The following DOK2 variants were observed in gnomAD, a reference collection of about 807,000 sequenced individuals.
DOK2 encodes docking protein 2, 56kD.
Under a neutral mutation model 26.0 loss-of-function variants are expected in DOK2, and 28 were observed. The ratio of observed to expected loss-of-function variants is 1.08; its 90% confidence interval spans 0.80 to 1.48. The LOEUF (loss-of-function observed/expected upper bound fraction) is 1.48, where lower values mean the gene tolerates loss of function less well. Ranked by LOEUF, DOK2 falls within the 40% of genes most tolerant of loss-of-function variation. DOK2 has a pLI of 0.00. For synonymous variants in DOK2, 282 were observed against 236.9 expected, an observed-to-expected ratio of 1.19 and a Z score of -1.75; for missense variants, 682 against 558.2, an observed-to-expected ratio of 1.22 and a Z score of -2.23.
chr8:21,909,963 G>A (rs1375737931), intron 4 of DOK2, 32 bp from the exon 5 acceptor site: 19 of 1,581,138 alleles, frequency 1.2e-5, no homozygotes, highest in Non-Finnish European at 1.5e-5. Flanking sequence ...TTATTGGCCA[G>A]GCCACAGGGC....
chr8:21,909,660 C>G lies in DOK2; in HGVS notation c.890G>C (p.Gly297Ala). Residue 297 changes from glycine to alanine, a missense_variant, in exon 5 of 5, where the codon GGG (glycine) becomes GCG (alanine). Transcript: ENST00000276420. ...CGCATCGAAGGGCACGGCATACTCC[C>G]CCTCCTGGCCCCGAGGCCGTGGAGC... ...VPAPRPRGQE[G>A]EYAVPFDAVA... is the part of the protein sequence containing the mutation. 6.2e-7 allele frequency: 1 copy of G among 1,613,026 alleles called. No homozygotes were observed.
intron 2 of DOK2, 117 bp from the exon 3 acceptor site, chr8:21,912,105 C>T: frequency 6.1e-6 from 9 of 1,464,648 alleles, no homozygotes; most frequent in South Asian, 2.7e-5. Context: ...GGGTTCGGGT[C>T]CCCCCACATG....
At position 21,912,273 on chromosome 8, in the gene DOK2, C is replaced by T. The variant is rs751346454; in HGVS notation, c.301G>A (p.Glu101Lys). ...RLYLLAAPAA[E>K]RGDWVQAICL... ...ATGGCCTGCACCCAGTCGCCGCGCT[C>T]CGCTGCAGGGGCCGCCAGGAGGTAC... Residue 101 changes from glutamate (E) to lysine (K), a missense_variant, in exon 2 of 5, where the codon GAG becomes AAG. Physicochemically the swap from Glu to Lys is moderately conservative, Grantham distance 56. Transcript: ENST00000276420. 1 of 1,584,070 alleles carries T rather than the reference C, an allele frequency of 6.3e-7. No individual in the cohort carries two copies. The highest frequency in any genetic ancestry group is 2.3e-5 in the East Asian group (1 of 42,740).
At position 21,912,530 on chromosome 8, in the gene DOK2, G is replaced by A; in HGVS notation, c.64-20C>T. 6.8e-7 allele frequency: 1 copy of A among 1,480,620 alleles called. No individual in the cohort carries two copies. The allele number at this position is 1,480,620 out of a possible 1,614,324, so 91.7% of individuals were successfully genotyped here. On this transcript the variant is annotated intron_variant, in intron 1 of 4. Coordinates refer to ENST00000276420, the MANE Select transcript of DOK2 (RefSeq NM_003974.4). ...CCATTTCTGTGCCAGAGGCGTGGGA[G>A]GCGGGGGCGGGAGGGAGCCACCCAG...
Position 21,910,713 on chromosome 8 carries a change from T to C in DOK2, c.578A>G (p.Asp193Gly). 1 of 1,614,080 alleles carries C rather than the reference T, an allele frequency of 6.2e-7. No homozygotes were observed. Among genetic ancestry groups the C allele is most frequent in the Non-Finnish European group, 8.5e-7 (1 of 1,180,030 alleles). The change falls in exon 4 of 5, where the codon GAC (aspartate) becomes GGC (glycine). Residue 193 changes from aspartate (D) to glycine (G), a missense_variant. Physicochemically the swap from Asp to Gly is moderately conservative, Grantham distance 94. Transcript: ENST00000276420. Reference protein sequence around the residue: ...GGPEPGTQLYDWPYRFLRRFG... With the variant: ...GGPEPGTQLYGWPYRFLRRFG... ...GCGCCGCAGAAACCTGTAGGGCCAG[T>C]CGTACAGCTGGGTCCCTGGCTCGGG...
chr8:21,910,895 T>C, intron 3 of DOK2, 38 bp from the exon 4 acceptor site: 1 of 1,561,594 alleles, frequency 6.4e-7, no homozygotes, highest in Non-Finnish European at 8.7e-7. Context: ...AGGCAGTTAA[T>C]GGGAAACAGC....
rs753987268 is a variant in DOK2, at chr8:21,912,433, C to T, written c.141G>A (p.Pro47=). Residue 47 remains proline, a synonymous_variant, in exon 2 of 5, where the codon CCG becomes CCA. Transcript: ENST00000276420. ...CAGCCTCACACCGACGAGGCTTCTC[C>T]GGGCCCTCCTGCAGCTCCAGCCGGG... ...ALARLELQEG[P]EKPRRCEAAR... The T allele has an allele frequency of 5.1e-6, 8 of 1,575,036 alleles. No individual in the cohort carries two copies. The South Asian group carries it at 6.9e-5, about 14-fold the overall frequency.
chr8:21,908,968 T>A lies in DOK2; in HGVS notation c.*343A>T, dbSNP rs1809703337. The A allele has an allele frequency of 4.9e-6, 1 of 202,672 alleles. No homozygotes were observed. Among genetic ancestry groups the A allele is most frequent in the Non-Finnish European group, 9.9e-6 (1 of 100,844 alleles). The allele number at this position is 202,672 out of a possible 1,614,324, so 12.6% of individuals were successfully genotyped here. A position where few individuals can be genotyped will look rare whatever the true frequency, so the allele number is the denominator to read the frequency against. Reference sequence around the variant, plus strand: ...GCCTGGGCCCAGGCTGTCCCTGAAGTGGCCATCAGCAGGCAGGAGGCTTGC... The same window carrying A: ...GCCTGGGCCCAGGCTGTCCCTGAAGAGGCCATCAGCAGGCAGGAGGCTTGC... On this transcript the variant is annotated 3_prime_UTR_variant, in exon 5 of 5. Coordinates refer to ENST00000276420, the MANE Select transcript of DOK2 (RefSeq NM_003974.4).
At position 21,909,938 on chromosome 8, in the gene DOK2, C is replaced by A; in HGVS notation, c.619-7G>T. 1.2e-6 allele frequency: 2 copies of A among 1,603,040 alleles called. No homozygotes were observed. The highest frequency in any genetic ancestry group is 1.7e-6 in the Non-Finnish European group (2 of 1,176,624). On this transcript the variant is annotated splice_polypyrimidine_tract_variant and splice_region_variant and intron_variant, in intron 4 of 4. Coordinates refer to ENST00000276420, the MANE Select transcript of DOK2 (RefSeq NM_003974.4). ...CCTCAAAGGAAAAGGTTACCTGGAC[C>A]AGGGAGAAAGCAGGTTATTGGCCAG...
rs1809715663 is a variant in DOK2 at position 21,909,257 on chromosome 8, G to A, written c.*54C>T. 23 of 1,511,508 alleles carry A rather than the reference G, an allele frequency of 1.5e-5. No individual in the cohort carries two copies. In the South Asian group the frequency reaches 2.8e-4, roughly 19 times the overall value. 93.6% of individuals were successfully genotyped at this position (1,511,508 alleles called of 1,614,324 possible). On this transcript the variant is annotated 3_prime_UTR_variant, in exon 5 of 5. Coordinates refer to ENST00000276420, the MANE Select transcript of DOK2 (RefSeq NM_003974.4). The stretch of plus-strand genomic sequence containing the variant: ...GAGGTTCTTCTGATGCAGTGGCCAG[G>A]AGGAGTCACCAGCAGAAGCCAAGGG...
Position 21,912,524 on chromosome 8 carries a change from G to T in DOK2, c.64-14C>A. ...GCGGCGCCATTTCTGTGCCAGAGGCGTGGGAGGCGGGGGCGGGAGGGAGCC... is the reference window on the plus strand; with the variant it reads ...GCGGCGCCATTTCTGTGCCAGAGGCTTGGGAGGCGGGGGCGGGAGGGAGCC... On this transcript the variant is annotated splice_polypyrimidine_tract_variant and intron_variant, in intron 1 of 4. Coordinates refer to ENST00000276420, the MANE Select transcript of DOK2 (RefSeq NM_003974.4). 1 of 1,491,516 alleles carries T rather than the reference G, an allele frequency of 6.7e-7. No individual in the cohort carries two copies. Among genetic ancestry groups the T allele is most frequent in the Non-Finnish European group, 8.9e-7 (1 of 1,123,532 alleles). 92.4% of individuals were successfully genotyped at this position (1,491,516 alleles called of 1,614,324 possible). A position where few individuals can be genotyped will look rare whatever the true frequency, so the allele number is the denominator to read the frequency against.
At chr8:21,912,084 G>A (rs1430322940) in intron 2 of DOK2, 96 bp from the exon 3 acceptor site, 1 of 1,482,764 alleles carries the variant, frequency 6.7e-7, no homozygotes, top group Non-Finnish European at 9.0e-7. Flanking sequence ...TGCTGGCTCT[G>A]TCTGCACACT....
chr8:21,913,674 G>C lies in DOK2; in HGVS notation c.-73C>G. 6.4e-7 allele frequency: 1 copy of C among 1,555,404 alleles called. No homozygotes were observed. Among genetic ancestry groups the C allele is most frequent in the African/African-American group, 1.4e-5 (1 of 73,706 alleles). On this transcript the variant is annotated 5_prime_UTR_variant, in exon 1 of 5. Transcript: ENST00000276420. ...TGCCCTTGCCTCTCTCTTCTTAGCC[G>C]TGTGTTTCCCTTCTCTGAAGTTCAT...
Position 21,913,575 on chromosome 8 carries a change from G to C in DOK2, c.27C>G (p.Gly9=). The C allele has an allele frequency of 1.9e-6, 3 of 1,613,872 alleles. No homozygotes were observed. The highest frequency in any genetic ancestry group is 2.5e-6 in the Non-Finnish European group (3 of 1,179,984). The change falls in exon 1 of 5, where the codon GGC becomes GGG. Residue 9 remains glycine (G), a synonymous_variant. Transcript: ENST00000276420. MGDGAVKQ[G]FLYLQQQQTF... ...TCTGCTGCTGCTGAAGATACAAGAA[G>C]CCTTGTTTCACTGCCCCGTCTCCCA... is the stretch of plus-strand genomic sequence containing the variant.
rs1585397993 is a variant in DOK2, at chr8:21,910,870, AG to A, written c.434-14del. On this transcript the variant is annotated splice_polypyrimidine_tract_variant and intron_variant, in intron 3 of 4. Coordinates refer to ENST00000276420, the MANE Select transcript of DOK2 (RefSeq NM_003974.4). ...TTGTGGGGGCCGACTGGGGAGAAGA[AG>A]AGAGAGAAGGCGAAGGCAGTTAATG... The A allele has an allele frequency of 8.0e-7, 1 of 1,257,678 alleles. No homozygotes were observed. Among genetic ancestry groups the A allele is most frequent in the Non-Finnish European group, 1.1e-6 (1 of 909,014 alleles). 77.9% of individuals were successfully genotyped at this position (1,257,678 alleles called of 1,614,324 possible).
At chr8:21,910,535 C>T in intron 4 of DOK2, 138 bp downstream of exon 4, 2 of 1,131,948 alleles carry the variant, frequency 1.8e-6, no homozygotes, top group Non-Finnish European at 2.5e-6. Context: ...TACTCCACTT[C>T]TGCCATCTTG....
chr8:21,910,026 G>A, intron 4 of DOK2, 95 bp from the exon 5 acceptor site: 1 of 1,383,338 alleles, frequency 7.2e-7, no homozygotes, highest in Admixed American at 2.5e-5. Flanking sequence ...TGTGTCTCCA[G>A]GCTGGAGTGC....
intron 1 of DOK2, 79 bp from the exon 2 acceptor site, chr8:21,912,589 G>A (rs1809902814): frequency 2.9e-6 from 4 of 1,400,832 alleles, no homozygotes; most frequent in Non-Finnish European, 3.8e-6. Context: ...GGGAGAAGAG[G>A]AACCGTGGGA....
intron 1 of DOK2, 71 bp downstream of exon 1, chr8:21,913,468 C>T (rs1480360246): frequency 1.9e-6 from 3 of 1,582,916 alleles, no homozygotes; most frequent in Non-Finnish European, 2.6e-6. Flanking sequence ...ATATGAAACT[C>T]CCTCTCCAAC....
Sources: allele counts gnomAD v4.1 joint callset, GRCh38; gene constraint gnomAD v4.1.1; transcripts MANE v1.5; gene names NCBI Gene and HGNC (gene_info 2026-07-23, HGNC 2026-07-21).